Variants in ZNG1E observed in about 807,000 individuals in gnomAD.
ZNG1E encodes zinc-regulated GTPase metalloprotein activator 1E.
At chr9:65,696,315 AT>A in the ZNG1E span, among the ~76,000 whole-genome samples, 2 of 29,624 alleles carry the variant, frequency 6.8e-5, no homozygotes, top group African/African-American at 2.2e-4. Context: ...GCAGGCTCTC[AT>A]TTGGGGTGAT....
chr9:65,693,574 T>C, the ZNG1E span: 1 of 957,762 alleles, frequency 1.0e-6, no homozygotes, highest in Non-Finnish European at 1.4e-6. Context: ...TTTTTTTTTT[T>C]TGAGACAGAG....
chr9:65,657,247 A>C, the ZNG1E span, among the ~76,000 whole-genome samples: 4 of 151,696 alleles, frequency 2.6e-5, no homozygotes, highest in East Asian at 7.7e-4. Context: ...AAATCAGTAT[A>C]TTGAAAAGAT....
the ZNG1E span, among the ~76,000 whole-genome samples, chr9:65,709,524 C>G: frequency 8.8e-5 from 11 of 124,676 alleles, no homozygotes; most frequent in Non-Finnish European, 1.6e-4. Context: ...CACAACAGTC[C>G]CCAGAGTGTG....
At chr9:65,694,096 A>ACC in the ZNG1E span, among the ~76,000 whole-genome samples, 2 of 150,666 alleles carry the variant, frequency 1.3e-5, no homozygotes, top group African/African-American at 4.9e-5. Flanking sequence ...GATCCCAAAT[A>ACC]CAGTATTACA....
At chr9:65,662,498 G>C in the ZNG1E span, among the ~76,000 whole-genome samples, 1 of 152,098 alleles carries the variant, frequency 6.6e-6, no homozygotes, top group East Asian at 1.9e-4. Flanking sequence ...GGAAAGCACA[G>C]TGAAGGGTAT....
the ZNG1E span, among the ~76,000 whole-genome samples, chr9:65,684,550 G>GCACACGCACACACACA: frequency 3.2e-4 from 42 of 132,774 alleles, no homozygotes; most frequent in African/African-American, 1.3e-3. Flanking sequence ...ACACACGCAC[G>GCACACGCACACACACA]CACACACACA....
chr9:65,662,437 G>A, the ZNG1E span, among the ~76,000 whole-genome samples: 14,026 of 105,824 alleles, frequency 0.13, 2 homozygotes, highest in Non-Finnish European at 0.19. Context: ...GCGTATCGAC[G>A]CTCATTACCT....
At chr9:65,667,149 T>A in the ZNG1E span, among the ~76,000 whole-genome samples, 1 of 152,250 alleles carries the variant, frequency 6.6e-6, no homozygotes. Flanking sequence ...GGGATATGAA[T>A]AGCTAAGCTA....
At chr9:65,711,249 T>A in the ZNG1E span, among the ~76,000 whole-genome samples, 4 of 121,072 alleles carry the variant, frequency 3.3e-5, no homozygotes, top group Non-Finnish European at 6.6e-5. Flanking sequence ...TAAGGAGATT[T>A]TGGGATGAGA....
At chr9:65,704,923 A>AAAAG in the ZNG1E span, 1 of 137,992 alleles carries the variant, frequency 7.2e-6, no homozygotes, top group African/African-American at 2.9e-5. Flanking sequence ...AAAAAAAAAA[A>AAAAG]AAACAAACAA....
chr9:65,658,114 A>C, the ZNG1E span, among the ~76,000 whole-genome samples: 5 of 137,946 alleles, frequency 3.6e-5, no homozygotes, highest in Non-Finnish European at 3.1e-5. Context: ...AAAAAAAAAA[A>C]AACTTATGTT....
At chr9:65,666,831 T>C in the ZNG1E span, among the ~76,000 whole-genome samples, 2 of 152,070 alleles carry the variant, frequency 1.3e-5, no homozygotes, top group Admixed American at 1.3e-4. Context: ...CTTTTTTTTT[T>C]CCTTTGGAGA....
chr9:65,667,281 C>A, the ZNG1E span, among the ~76,000 whole-genome samples: 1 of 152,094 alleles, frequency 6.6e-6, no homozygotes, highest in Non-Finnish European at 1.5e-5. Flanking sequence ...AACTCATTAA[C>A]CACAATTAAA....
the ZNG1E span, among the ~76,000 whole-genome samples, chr9:65,693,629 C>T: frequency 5.3e-4 from 77 of 145,338 alleles, no homozygotes; most frequent in Non-Finnish European, 8.8e-4. Context: ...ACCATCTTGG[C>T]TCACTGCAAC....
chr9:65,714,817 C>T, the ZNG1E span, among the ~76,000 whole-genome samples: 1 of 151,958 alleles, frequency 6.6e-6, no homozygotes, highest in Admixed American at 6.6e-5. Context: ...CAGACAGGGA[C>T]ACTTAAGTCT....
At chr9:65,664,224 A>G in the ZNG1E span, among the ~76,000 whole-genome samples, 1 of 151,940 alleles carries the variant, frequency 6.6e-6, no homozygotes, top group East Asian at 1.9e-4. Flanking sequence ...TATATTCATA[A>G]ACATAAAACT....
the ZNG1E span, among the ~76,000 whole-genome samples, chr9:65,658,079 A>G: frequency 1.3e-5 from 2 of 151,754 alleles, no homozygotes; most frequent in Non-Finnish European, 1.5e-5. Flanking sequence ...AGCCTGGGCA[A>G]CAAGAGCAAA....
the ZNG1E span, among the ~76,000 whole-genome samples, chr9:65,666,710 C>T: frequency 6.7e-6 from 1 of 148,530 alleles, no homozygotes; most frequent in African/African-American, 2.5e-5. Flanking sequence ...CCATCTGTAG[C>T]TTGTATGATT....
the ZNG1E span, among the ~76,000 whole-genome samples, chr9:65,691,449 T>C: frequency 6.6e-6 from 1 of 152,200 alleles, no homozygotes; most frequent in Non-Finnish European, 1.5e-5. Context: ...TAACTTTAAT[T>C]CCTTGCATTG....
Sources: gnomAD v4.1 joint callset for allele counts (sites outside exome capture counted in the v4.1 genomes callset) on GRCh38, gnomAD v4.1.1 for gene constraint, MANE v1.5 for transcripts, NCBI Gene and HGNC (gene_info 2026-07-23, HGNC 2026-07-21) for gene names.